Variants in POLN observed in about 807,000 individuals in gnomAD.
The protein encoded by POLN is DNA polymerase nu.
Under a neutral mutation model 113.5 loss-of-function variants are expected in POLN, and 108 were observed. The observed-to-expected ratio is 0.95, with a 90% CI of 0.81 to 1.12. POLN has a LOEUF of 1.12. Ranked by LOEUF, POLN falls within the 50% of genes most tolerant of loss-of-function variation. POLN has a pLI of 0.00. For missense variants in POLN, 1,097 were observed against 1,077.1 expected (o/e 1.02, Z -0.26); for synonymous variants, 386 against 391.5 (o/e 0.99, Z 0.17).
intron 7 of POLN, among the ~76,000 whole-genome samples, chr4:2,185,613 G>C (rs1244612854): frequency 6.6e-6 from 1 of 152,170 alleles, no homozygotes; most frequent in Non-Finnish European, 1.5e-5. Context: ...AGGCATGGTG[G>C]CACGTGCCTG....
At chr4:2,173,487 C>G (rs1283829025) in intron 11 of POLN, among the ~76,000 whole-genome samples, 1 of 115,300 alleles carries the variant, frequency 8.7e-6, no homozygotes, top group Non-Finnish European at 1.9e-5. Context: ...CACCCTTTAG[C>G]CTGCTTCTCT....
At chr4:2,096,284 T>G (rs2108700736) in intron 19 of POLN, among the ~76,000 whole-genome samples, 1 of 152,340 alleles carries the variant, frequency 6.6e-6, no homozygotes, top group East Asian at 1.9e-4. Flanking sequence ...GCCACGTCTG[T>G]GTCTGCTGCA....
At chr4:2,176,166 T>C (rs1304804893) in intron 9 of POLN, 100 bp downstream of exon 9, 1 of 912,194 alleles carries the variant, frequency 1.1e-6, no homozygotes, top group Non-Finnish European at 1.8e-6. Context: ...ACTCAACGTT[T>C]CGTTTCCTTC....
intron 6 of POLN, among the ~76,000 whole-genome samples, chr4:2,195,171 A>T (rs143345141): frequency 6.6e-6 from 1 of 152,284 alleles, no homozygotes; most frequent in African/African-American, 2.4e-5. Flanking sequence ...TTTGAATCTC[A>T]AAGATATAAT....
At position 2,186,061 on chromosome 4, in the gene POLN, A is replaced by T. The variant is rs549442377; in HGVS notation, c.1022-6596T>A. Among the ~76,000 whole-genome samples the T allele has an allele frequency of 1.8e-4, 27 of 152,290 alleles. No individual in the cohort carries two copies. The South Asian group carries it at 4.8e-3, about 27-fold the overall frequency. ...TGACACAGTTTCCAAGGCCACACAG[A>T]AGTGAAAAAACTCCATGCAGACAGT... On this transcript the variant is annotated intron_variant, in intron 7 of 25. Coordinates refer to ENST00000511885, the MANE Select transcript of POLN (RefSeq NM_181808.4).
intron 2 of POLN, chr4:2,239,957 A>C: frequency 9.5e-7 from 1 of 1,053,122 alleles, no homozygotes; most frequent in Non-Finnish European, 1.4e-6. Flanking sequence ...GCACCATTCT[A>C]AAGTACTTTA....
chr4:2,101,889 G>A (rs980052346), intron 19 of POLN, among the ~76,000 whole-genome samples: 6 of 152,142 alleles, frequency 3.9e-5, no homozygotes, highest in Admixed American at 6.5e-5. Flanking sequence ...AGCTGGGTAG[G>A]GGCTCTTATG....
chr4:2,094,766 G>A (rs1730745918), intron 20 of POLN, among the ~76,000 whole-genome samples: 1 of 152,150 alleles, frequency 6.6e-6, no homozygotes, highest in Non-Finnish European at 1.5e-5. Context: ...CAGTTTTGGG[G>A]CGGGGCACTC....
intron 6 of POLN, among the ~76,000 whole-genome samples, chr4:2,198,179 G>C (rs1432380535): frequency 1.3e-5 from 2 of 152,206 alleles, no homozygotes; most frequent in South Asian, 4.1e-4. Flanking sequence ...TGCTGTGAAT[G>C]AATGAACAAG....
At chr4:2,086,343 G>A (rs538077004) in intron 20 of POLN, among the ~76,000 whole-genome samples, 2 of 152,310 alleles carry the variant, frequency 1.3e-5, no homozygotes, top group Admixed American at 1.3e-4. Context: ...AAGGACTTTG[G>A]CTGGGCAGTG....
intron 19 of POLN, among the ~76,000 whole-genome samples, chr4:2,099,983 T>C (rs1240752274): frequency 2.0e-5 from 3 of 150,760 alleles, no homozygotes; most frequent in Admixed American, 6.6e-5. Context: ...GGCAGGAGGA[T>C]CACTGGAGCC....
rs367804484 is a variant in POLN, at chr4:2,240,422, T to C, written c.-13+1098A>G. 1.7e-5 allele frequency: 27 copies of C among 1,613,628 alleles called. No homozygotes were observed. In the African/African-American group the frequency reaches 3.1e-4, roughly 18 times the overall value. On this transcript the variant is annotated intron_variant, in intron 2 of 25. Coordinates refer to ENST00000511885, the MANE Select transcript of POLN (RefSeq NM_181808.4). ...TAGAATGTCTGAAGAACATCATCAA[T>C]TGTGTAACTTCATCAGTAAGAGCCT...
chr4:2,131,626 T>C (rs560800280), intron 16 of POLN, among the ~76,000 whole-genome samples: 17 of 152,344 alleles, frequency 1.1e-4, no homozygotes, highest in Middle Eastern at 3.4e-3. Context: ...ATGGTAGATT[T>C]ATGTGAAATT....
intron 2 of POLN, among the ~76,000 whole-genome samples, chr4:2,237,139 G>GA (rs1332139965): frequency 6.6e-6 from 1 of 152,004 alleles, no homozygotes; most frequent in East Asian, 1.9e-4. Flanking sequence ...ATGTCTCATA[G>GA]AATATAACTA....
chr4:2,207,863 C>T, intron 5 of POLN, 124 bp downstream of exon 5: 1 of 1,102,944 alleles, frequency 9.1e-7, no homozygotes, highest in Non-Finnish European at 1.3e-6. Flanking sequence ...CAATCACTTA[C>T]CACTGGAGGG....
chr4:2,155,435 G>A (rs1577727345), intron 16 of POLN, among the ~76,000 whole-genome samples: 3 of 152,154 alleles, frequency 2.0e-5, no homozygotes, highest in East Asian at 1.9e-4. Context: ...CACGATTAGC[G>A]CAAACTCACC....
chr4:2,189,529 CTT>C, intron 7 of POLN, among the ~76,000 whole-genome samples: 1 of 150,762 alleles, frequency 6.6e-6, no homozygotes, highest in Non-Finnish European at 1.5e-5. Flanking sequence ...GTCCCAGCTA[CTT>C]GGGAGGCTGA....
intron 14 of POLN, among the ~76,000 whole-genome samples, chr4:2,158,315 A>G (rs1406731191): frequency 2.6e-5 from 4 of 152,220 alleles, no homozygotes; most frequent in African/African-American, 4.8e-5. Flanking sequence ...TGCTGCTACT[A>G]TCACCTTAGA....
At chr4:2,181,605 A>C (rs867973074) in intron 7 of POLN, among the ~76,000 whole-genome samples, 2 of 152,318 alleles carry the variant, frequency 1.3e-5, no homozygotes, top group South Asian at 4.1e-4. Flanking sequence ...AATATGAAAG[A>C]CAGACAAGAA....
Sources: allele counts gnomAD v4.1 joint callset (sites outside exome capture counted in the v4.1 genomes callset), GRCh38; gene constraint gnomAD v4.1.1; transcripts MANE v1.5; gene names NCBI Gene and HGNC (gene_info 2026-07-23, HGNC 2026-07-21).